The following CNTN5 variants were observed in gnomAD, a reference collection of about 807,000 sequenced individuals.
CNTN5 encodes the protein contactin 5, also known as contactin-5.
CNTN5 carries 77 observed loss-of-function variants against 129.1 expected under a neutral mutation model. That is an observed-to-expected ratio of 0.60 (90% confidence interval 0.50 to 0.72). The LOEUF is 0.72. CNTN5 is among the 30% of genes least tolerant of loss of function. The pLI, the probability that CNTN5 is intolerant of heterozygous loss-of-function variation, is 0.00. For missense variants in CNTN5, 1,478 were observed against 1,328.8 expected, an observed-to-expected ratio of 1.11 and a Z score of -1.75; for synonymous variants, 509 against 465.6, an observed-to-expected ratio of 1.09 and a Z score of -1.20.
At chr11:99,294,319 G>T (rs1455018734) in intron 1 of CNTN5, among the ~76,000 whole-genome samples, 1 of 152,086 alleles carries the variant, frequency 6.6e-6, no homozygotes, top group African/African-American at 2.4e-5. Flanking sequence ...AATTAGTGAA[G>T]GTGCAGTATA....
chr11:100,054,579 G>T (rs187990175), intron 9 of CNTN5, among the ~76,000 whole-genome samples: 1 of 151,748 alleles, frequency 6.6e-6, no homozygotes, highest in South Asian at 2.1e-4. Context: ...AATGTTTTCC[G>T]CTGCATAGCA....
At chr11:99,509,397 G>T (rs1303498673) in intron 2 of CNTN5, among the ~76,000 whole-genome samples, 1 of 152,134 alleles carries the variant, frequency 6.6e-6, no homozygotes, top group African/African-American at 2.4e-5. Flanking sequence ...AGGAAATTAA[G>T]ATTAATTTAA....
chr11:99,721,877 T>C (rs903195645), intron 3 of CNTN5, among the ~76,000 whole-genome samples: 3 of 151,904 alleles, frequency 2.0e-5, no homozygotes, highest in Non-Finnish European at 2.9e-5. Flanking sequence ...AACAAACATA[T>C]GGAAAAAAGC....
chr11:100,247,815 T>C (rs1249026144), intron 16 of CNTN5, among the ~76,000 whole-genome samples: 1 of 152,118 alleles, frequency 6.6e-6, no homozygotes, highest in Non-Finnish European at 1.5e-5. Flanking sequence ...TTCATGACTA[T>C]TTCTACATAT....
rs1006200202 is a variant in CNTN5, at chr11:99,332,865, G to T, written c.-71+7381G>T. On this transcript the variant is annotated intron_variant, in intron 2 of 24. Transcript: ENST00000524871. ...CCTTACTAAATTTTAAGAGGCGATA[G>T]CCAGAGGTTCAAATATTGGAATGTT... Among the ~76,000 whole-genome samples, 8 of 152,056 alleles carry T rather than the reference G, an allele frequency of 5.3e-5. No homozygotes were observed. The South Asian group carries it at 6.2e-4, about 12-fold the overall frequency.
intron 3 of CNTN5, among the ~76,000 whole-genome samples, chr11:99,716,272 A>G (rs904420998): frequency 6.6e-6 from 1 of 152,048 alleles, no homozygotes; most frequent in African/African-American, 2.4e-5. Context: ...TGATAAAGAT[A>G]CTTTCCAATT....
At chr11:99,442,264 G>A (rs745335309) in intron 2 of CNTN5, among the ~76,000 whole-genome samples, 1 of 152,068 alleles carries the variant, frequency 6.6e-6, no homozygotes, top group Non-Finnish European at 1.5e-5. Context: ...CCACCTCCCG[G>A]GTTCTAGCGA....
intron 3 of CNTN5, among the ~76,000 whole-genome samples, chr11:99,652,366 A>G (rs1952189516): frequency 6.6e-6 from 1 of 152,050 alleles, no homozygotes; most frequent in Non-Finnish European, 1.5e-5. Context: ...TAATGACACC[A>G]TCATCTATAC....
At chr11:100,095,035 G>T (rs1231302391) in intron 13 of CNTN5, among the ~76,000 whole-genome samples, 1 of 152,048 alleles carries the variant, frequency 6.6e-6, no homozygotes, top group African/African-American at 2.4e-5. Flanking sequence ...TCACTCCAGT[G>T]AACTGAGTAT....
intron 16 of CNTN5, among the ~76,000 whole-genome samples, chr11:100,233,777 C>CA (rs1949545492): frequency 6.6e-6 from 1 of 151,916 alleles, no homozygotes; most frequent in African/African-American, 2.4e-5. Context: ...GTGTTTTAGT[C>CA]AAAAAGTCTT....
rs114080636 is a variant in CNTN5, at chr11:99,746,126, G to A, written c.56-73418G>A. Among the ~76,000 whole-genome samples the A allele has an allele frequency of 6.1e-3, 921 of 152,080 alleles. 11 individuals are homozygous for A. Among genetic ancestry groups the A allele is most frequent in the African/African-American group, 0.021 (866 of 41,494 alleles). On this transcript the variant is annotated intron_variant, in intron 3 of 24. Transcript: ENST00000524871. Reference sequence around the variant, plus strand: ...TTTAAAAGAACAACTGTGCATTTGGGGTCATACTAAAAAAATCCTTGCCCA... The same window carrying A: ...TTTAAAAGAACAACTGTGCATTTGGAGTCATACTAAAAAAATCCTTGCCCA...
intron 3 of CNTN5, among the ~76,000 whole-genome samples, chr11:99,624,113 T>A (rs78840182): frequency 6.6e-6 from 1 of 152,128 alleles, no homozygotes; most frequent in African/African-American, 2.4e-5. Flanking sequence ...CCTCATAGGC[T>A]TATTCTCATT....
chr11:99,360,794 T>G (rs906105860), intron 2 of CNTN5, among the ~76,000 whole-genome samples: 2 of 152,206 alleles, frequency 1.3e-5, no homozygotes, highest in Non-Finnish European at 2.9e-5. Context: ...TGGTGTTCTC[T>G]CCTGAACATG....
intron 1 of CNTN5, among the ~76,000 whole-genome samples, chr11:99,088,391 T>C (rs547753665): frequency 6.6e-6 from 1 of 152,180 alleles, no homozygotes; most frequent in Non-Finnish European, 1.5e-5. Flanking sequence ...AATTTTTTCC[T>C]TCGGCCTTGA....
intron 7 of CNTN5, among the ~76,000 whole-genome samples, chr11:99,928,064 A>G (rs904630413): frequency 7.9e-5 from 12 of 152,102 alleles, no homozygotes; most frequent in Non-Finnish European, 4.4e-5. Flanking sequence ...CAAGTCCTAA[A>G]TCCAGTGGGA....
intron 13 of CNTN5, among the ~76,000 whole-genome samples, chr11:100,093,641 AG>A (rs749634795): frequency 1.3e-5 from 2 of 152,074 alleles, no homozygotes; most frequent in Non-Finnish European, 2.9e-5. Flanking sequence ...AAAGCAAGCC[AG>A]GGTTCTCTAA....
At chr11:99,815,318 T>C (rs929798097) in intron 3 of CNTN5, among the ~76,000 whole-genome samples, 6 of 151,006 alleles carry the variant, frequency 4.0e-5, no homozygotes, top group African/African-American at 7.2e-5. Context: ...TTCCCACTTA[T>C]TTATGCTAAT....
At chr11:99,562,853 C>G (rs1306799164) in intron 3 of CNTN5, among the ~76,000 whole-genome samples, 1 of 152,106 alleles carries the variant, frequency 6.6e-6, no homozygotes, top group Non-Finnish European at 1.5e-5. Context: ...CAACAATGTA[C>G]ATGTTGAGCT....
intron 6 of CNTN5, among the ~76,000 whole-genome samples, chr11:99,848,903 C>T (rs1947786386): frequency 6.6e-6 from 1 of 152,118 alleles, no homozygotes; most frequent in Admixed American, 6.5e-5. Flanking sequence ...ATCTGTTTAA[C>T]AGACCAGTTC....
Sources: gnomAD v4.1 joint callset for allele counts (sites outside exome capture counted in the v4.1 genomes callset) on GRCh38, gnomAD v4.1.1 for gene constraint, MANE v1.5 for transcripts, NCBI Gene and HGNC (gene_info 2026-07-23, HGNC 2026-07-21) for gene names.